The following IDE variants were observed in gnomAD, a reference collection of about 807,000 sequenced individuals.
The protein encoded by IDE is insulin-degrading enzyme.
IDE carries 58 observed loss-of-function variants against 133.2 expected under a neutral mutation model. The observed-to-expected ratio is 0.44, with a 90% confidence interval of 0.35 to 0.54. The LOEUF (loss-of-function observed/expected upper bound fraction) is 0.54, where lower values mean the gene tolerates loss of function less well. IDE is among the 20% of genes least tolerant of loss of function. The pLI is 0.00. For missense variants in IDE, 981 were observed against 1,234.0 expected (o/e 0.79, Z 3.07); for synonymous variants, 396 against 421.3 (o/e 0.94, Z 0.73).
intron 20 of IDE, among the ~76,000 whole-genome samples, chr10:92,464,500 A>ATC (rs767015779): frequency 1.5e-4 from 23 of 152,186 alleles, no homozygotes; most frequent in Non-Finnish European, 2.6e-4. Flanking sequence ...ACTAAAAGTC[A>ATC]TACTTCCATG....
At chr10:92,508,033 G>T in intron 8 of IDE, 80 bp downstream of exon 8, 1 of 971,224 alleles carries the variant, frequency 1.0e-6, no homozygotes, top group Non-Finnish European at 1.6e-6. Context: ...ACATAAAACA[G>T]ATCCACAGCA....
At chr10:92,527,907 T>C (rs1849710783) in intron 4 of IDE, among the ~76,000 whole-genome samples, 1 of 152,112 alleles carries the variant, frequency 6.6e-6, no homozygotes, top group African/African-American at 2.4e-5. Flanking sequence ...TCCCAACTAC[T>C]TGGGGAGCTG....
At position 92,474,830 on chromosome 10, in the gene IDE, GAA is replaced by G; in HGVS notation, c.2116+9_2116+10del. ...TGAAGAAAGCATTAAGCTTTAAGTA[GAA>G]AGTCTCACCATCCAGAGCTTCTTTT... On this transcript the variant is annotated intron_variant, in intron 17 of 24. Transcript: ENST00000265986. 1 of 1,600,976 alleles carries G rather than the reference GAA, an allele frequency of 6.2e-7. No individual in the cohort carries two copies. Among genetic ancestry groups the G allele is most frequent in the Non-Finnish European group, 8.5e-7 (1 of 1,176,498 alleles).
intron 5 of IDE, among the ~76,000 whole-genome samples, chr10:92,510,565 A>AT (rs1848527337): frequency 6.6e-6 from 1 of 151,628 alleles, no homozygotes; most frequent in South Asian, 2.1e-4. Flanking sequence ...AAAGACGCCT[A>AT]TTTTTACTTT....
intron 12 of IDE, among the ~76,000 whole-genome samples, chr10:92,488,377 A>C (rs1379903590): frequency 6.6e-6 from 1 of 152,188 alleles, no homozygotes; most frequent in African/African-American, 2.4e-5. Context: ...GATTACAGAC[A>C]TCAGCCACCA....
chr10:92,457,208 C>A (rs1337606870), intron 22 of IDE, among the ~76,000 whole-genome samples: 1 of 152,142 alleles, frequency 6.6e-6, no homozygotes, highest in Non-Finnish European at 1.5e-5. Flanking sequence ...CAGGGACAAG[C>A]ACGAGTGCCT....
intron 2 of IDE, among the ~76,000 whole-genome samples, chr10:92,537,161 C>T (rs1229635517): frequency 6.6e-6 from 1 of 151,542 alleles, no homozygotes; most frequent in African/African-American, 2.4e-5. Flanking sequence ...TAGGTGGGAA[C>T]CTAACAAGAT....
chr10:92,508,059 A>C, intron 8 of IDE, 54 bp downstream of exon 8: 1 of 1,295,180 alleles, frequency 7.7e-7, no homozygotes, highest in East Asian at 2.3e-5. Flanking sequence ...AAGTTAAAAA[A>C]CATCATAGAA....
At position 92,474,850 on chromosome 10, in the gene IDE, C is replaced by T. The variant is rs1442733365; in HGVS notation, c.2107G>A (p.Ala703Thr). ...VAWTKDELKE[A>T]LDDVTLPRLK... is the part of the protein sequence containing the mutation. ...AAGTAGAAAGTCTCACCATCCAGAG[C>T]TTCTTTTAACTCATCTTTAGTCCAG... Residue 703 changes from alanine (A) to threonine (T), a missense_variant, in exon 17 of 25, where the codon GCT becomes ACT. Coordinates refer to ENST00000265986, the MANE Select transcript of IDE (RefSeq NM_004969.4). 1 of 1,610,142 alleles carries T rather than the reference C, an allele frequency of 6.2e-7. No individual in the cohort carries two copies. The highest frequency in any genetic ancestry group is 8.5e-7 in the Non-Finnish European group (1 of 1,178,990).
intron 1 of IDE, among the ~76,000 whole-genome samples, chr10:92,564,888 C>T (rs1023493611): frequency 1.3e-5 from 2 of 151,632 alleles, no homozygotes; most frequent in African/African-American, 4.8e-5. Flanking sequence ...AAGACCCCAT[C>T]TCTAAAAAAA....
chr10:92,530,360 T>C (rs1010425842), intron 4 of IDE, among the ~76,000 whole-genome samples: 12 of 152,030 alleles, frequency 7.9e-5, no homozygotes, highest in Non-Finnish European at 1.6e-4. Flanking sequence ...AGTGACTCAA[T>C]TGTGGCTCAC....
intron 18 of IDE, among the ~76,000 whole-genome samples, chr10:92,469,926 C>T (rs1845878043): frequency 6.6e-6 from 1 of 152,086 alleles, no homozygotes; most frequent in South Asian, 2.1e-4. Flanking sequence ...GGATTTGAAT[C>T]CAGGCTGTCT....
intron 7 of IDE, 60 bp from the exon 8 acceptor site, chr10:92,508,265 G>T: frequency 7.4e-7 from 1 of 1,354,684 alleles, no homozygotes; most frequent in Non-Finnish European, 1.0e-6. Context: ...TTGAAGATAA[G>T]AAAAATTTTA....
intron 19 of IDE, among the ~76,000 whole-genome samples, chr10:92,466,314 CCTTTTTGTA>C (rs1371987596): frequency 6.6e-6 from 1 of 151,214 alleles, no homozygotes; most frequent in African/African-American, 2.4e-5. Context: ...ATCCTTCTAG[CCTTTTTGTA>C]CTTTTTTTTT....
intron 1 of IDE, among the ~76,000 whole-genome samples, chr10:92,539,340 G>C (rs905957462): frequency 5.3e-5 from 8 of 151,894 alleles, no homozygotes; most frequent in African/African-American, 1.2e-4. Context: ...TAGTGCTAAT[G>C]GTCTCCTATT....
At chr10:92,478,264 C>T (rs1317612404) in intron 15 of IDE, among the ~76,000 whole-genome samples, 1 of 152,174 alleles carries the variant, frequency 6.6e-6, no homozygotes, top group Non-Finnish European at 1.5e-5. Context: ...CTTTATACTA[C>T]TGTCTGCAGA....
intron 4 of IDE, among the ~76,000 whole-genome samples, chr10:92,522,847 A>C (rs1849305305): frequency 6.6e-6 from 1 of 152,196 alleles, no homozygotes; most frequent in Admixed American, 6.5e-5. Flanking sequence ...TAAAGTGCTT[A>C]GCATAGCACT....
At chr10:92,536,134 A>G (rs564944579) in intron 2 of IDE, among the ~76,000 whole-genome samples, 5 of 150,856 alleles carry the variant, frequency 3.3e-5, no homozygotes, top group East Asian at 2.0e-4. Context: ...TATAATCCCA[A>G]CACTTTGGGA....
chr10:92,543,166 T>C (rs1234686712), intron 1 of IDE, among the ~76,000 whole-genome samples: 3 of 152,124 alleles, frequency 2.0e-5, no homozygotes, highest in African/African-American at 7.2e-5. Context: ...GTGGAATCCA[T>C]CCACCCACTC....
Sources: gnomAD v4.1 joint callset for allele counts (sites outside exome capture counted in the v4.1 genomes callset) on GRCh38, gnomAD v4.1.1 for gene constraint, MANE v1.5 for transcripts, NCBI Gene and HGNC (gene_info 2026-07-23, HGNC 2026-07-21) for gene names.